ARHGEF1: variants seen among roughly 807,000 people sequenced by gnomAD.
The protein encoded by ARHGEF1 is 115 kDa guanine nucleotide exchange factor.
ARHGEF1 carries 40 observed loss-of-function variants against 119.7 expected under a neutral mutation model. That is an observed-to-expected ratio of 0.33 (90% CI 0.26 to 0.44). The LOEUF is 0.44. ARHGEF1 is among the 20% of genes least tolerant of loss of function. The pLI is 1.00. For synonymous variants in ARHGEF1, 494 were observed against 521.0 expected (o/e 0.95, Z 0.71); for missense variants, 976 against 1,268.3 (o/e 0.77, Z 3.50).
Position 41,903,699 on chromosome 19 carries a change from T to C in ARHGEF1, c.1840-8T>C, listed in dbSNP as rs377090750. ...CTTGTCCCCATAATGCTCCCGTCTC[T>C]GCCCCAGAGGCTCAAGGACTATCAG... On this transcript the variant is annotated splice_region_variant and splice_polypyrimidine_tract_variant and intron_variant, in intron 19 of 28. Coordinates refer to ENST00000354532, the MANE Select transcript of ARHGEF1 (RefSeq NM_004706.4). The surrounding 1 kb of genome is among the most constrained non-coding windows in gnomAD (Gnocchi z 4.2). 2.5e-5 allele frequency: 40 copies of C among 1,612,342 alleles called. No individual in the cohort carries two copies. Among genetic ancestry groups the C allele is most frequent in the Non-Finnish European group, 3.1e-5 (37 of 1,180,002 alleles).
At chr19:41,920,570 A>G (rs2074836423), upstream of ARHGEF1, among the ~76,000 whole-genome samples, 1 of 151,596 alleles carries the variant, frequency 6.6e-6, no homozygotes, top group South Asian at 2.1e-4. Flanking sequence ...TTACGCACTC[A>G]CAGACGTGAT....
downstream of ARHGEF1, among the ~76,000 whole-genome samples, chr19:41,911,598 CCTT>C (rs2074752001): frequency 1.3e-5 from 2 of 152,164 alleles, no homozygotes. Flanking sequence ...CAGGCAGTCT[CCTT>C]GAGGGAGAAT....
At chr19:41,901,853 C>G in intron 14 of ARHGEF1, 34 bp from the exon 15 acceptor site, 1 of 1,600,424 alleles carries the variant, frequency 6.2e-7, no homozygotes, top group Non-Finnish European at 8.5e-7. Context: ...TCTGCACCCT[C>G]CCCAACATGC....
chr19:41,899,919 A>AT (rs1214317200), intron 14 of ARHGEF1, among the ~76,000 whole-genome samples: 1 of 134,370 alleles, frequency 7.4e-6, no homozygotes, highest in East Asian at 2.1e-4. Flanking sequence ...TAAGGACATG[A>AT]TAAAAAAAAA....
Position 41,904,922 on chromosome 19 carries a change from G to C in ARHGEF1, c.2162-27G>C, listed in dbSNP as rs782668123. 6.3e-7 allele frequency: 1 copy of C among 1,596,436 alleles called. No individual in the cohort carries two copies. The highest frequency in any genetic ancestry group is 1.1e-5 in the South Asian group (1 of 90,720). On this transcript the variant is annotated intron_variant, in intron 22 of 28. Coordinates refer to ENST00000354532, the MANE Select transcript of ARHGEF1 (RefSeq NM_004706.4). The surrounding 1 kb of genome is among the most constrained non-coding windows in gnomAD (Gnocchi z 8.4). ...CAGGCACTGGGGGGACCTGGGCTCT[G>C]AGCCCCATCTCCCCCTCTCCCTGCA...
chr19:41,892,670 C>G lies in ARHGEF1; in HGVS notation c.435C>G (p.Ser145Arg). The part of the protein sequence containing the change: ...QRRFVQEVVQ[S>R]QQVAVGRQLE... The stretch of plus-strand genomic sequence containing the variant: ...GGTTCGTGCAGGAGGTGGTGCAAAG[C>G]CAGCAGGTAGCCGTGGGCCGGCAGC... Residue 145 changes from serine (S) to arginine (R), a missense_variant, in exon 7 of 29, where the codon AGC (serine) becomes AGG (arginine). Physicochemically the swap from Ser to Arg is moderately radical, Grantham distance 110. Coordinates refer to ENST00000354532, the MANE Select transcript of ARHGEF1 (RefSeq NM_004706.4). The surrounding 1 kb of genome is among the most constrained non-coding windows in gnomAD (Gnocchi z 6.3). 1 of 1,613,630 alleles carries G rather than the reference C, an allele frequency of 6.2e-7. No homozygotes were observed. The highest frequency in any genetic ancestry group is 2.2e-5 in the East Asian group (1 of 44,880).
At chr19:41,928,432 G>C (rs1486147794) in intron 1 of ARHGEF1, 1 of 153,838 alleles carries the variant, frequency 6.5e-6, no homozygotes, top group African/African-American at 2.4e-5. Context: ...TGGCCGGCTG[G>C]GGGCGCGGGG....
rs2074549947 is a variant in ARHGEF1, at chr19:41,898,562, G to C, written c.1242G>C (p.Gln414His). The C allele has an allele frequency of 6.3e-7, 1 of 1,582,148 alleles. No individual in the cohort carries two copies. The highest frequency in any genetic ancestry group is 1.3e-5 in the African/African-American group (1 of 74,268). Residue 414 changes from glutamine (Q) to histidine (H), a missense_variant, in exon 14 of 29, where the codon CAG becomes CAC. Coordinates refer to ENST00000354532, the MANE Select transcript of ARHGEF1 (RefSeq NM_004706.4). ...PDTLHSLPKS[Q>H]VKRQEVISEL... ...CCCTGCACAGCCTGCCCAAGAGCCA[G>C]GTGAAGCGGCAGGAGGTCATCAGCG...
rs987241931 is a variant in ARHGEF1, at chr19:41,892,782, C to T, written c.547C>T (p.Arg183Ter). ...GCTGGAGGCTTGGGTTGGGCGGGACCGAGCCAGCTACGAGGCCCGGGAGCG... is the reference window on the plus strand; with the variant it reads ...GCTGGAGGCTTGGGTTGGGCGGGACTGAGCCAGCTACGAGGCCCGGGAGCG... ...AQLEAWVGRD[R>*]ASYEARERHV... is the part of the protein sequence containing the mutation. The change falls in exon 7 of 29, where the codon CGA becomes TGA. Residue 183 changes from arginine (R) to a stop codon, truncating the protein, a stop_gained. Coordinates refer to ENST00000354532, the MANE Select transcript of ARHGEF1 (RefSeq NM_004706.4). LOFTEE classifies it high-confidence loss of function. The surrounding 1 kb of genome is among the most constrained non-coding windows in gnomAD (Gnocchi z 6.3). The T allele has an allele frequency of 2.5e-6, 4 of 1,601,690 alleles. No homozygotes were observed. Among genetic ancestry groups the T allele is most frequent in the South Asian group, 1.1e-5 (1 of 90,782 alleles).
At position 41,917,420 on chromosome 19, in the gene ARHGEF1, G is replaced by A. The variant is rs554657633; in HGVS notation, c.1866-5672G>A. The stretch of plus-strand genomic sequence containing the variant: ...TTCTCTAAGCTGCGCCGGCCGCCTC[G>A]GGAGCCGCCTCGGGCCTCGCACCCC... On this transcript the variant is annotated intron_variant, in intron 18 of 20. Coordinates refer to the ARHGEF1 transcript ENST00000599589. This position sits in a 1 kb window ranked among gnomAD's most constrained non-coding sequence, Gnocchi z 4.8. Among the ~76,000 whole-genome samples, 6 of 151,878 alleles carry A rather than the reference G, an allele frequency of 4.0e-5. No individual in the cohort carries two copies. Among genetic ancestry groups the A allele is most frequent in the Admixed American group, 1.3e-4 (2 of 15,256 alleles).
Position 41,916,429 on chromosome 19 carries a change from ACAT to A in ARHGEF1, c.1866-6660_1866-6658del, listed in dbSNP as rs2145896148. Among the ~76,000 whole-genome samples the A allele has an allele frequency of 1.3e-5, 2 of 152,218 alleles. No individual in the cohort carries two copies. Among genetic ancestry groups the A allele is most frequent in the South Asian group, 4.1e-4 (2 of 4,828 alleles). ...AACACTGTCACAGTCACACACACAC[ACAT>A]CAGCATAGTCACAGATGCACAGAAA... On this transcript the variant is annotated intron_variant, in intron 18 of 20. Transcript: ENST00000599589. The surrounding 1 kb of genome is among the most constrained non-coding windows in gnomAD (Gnocchi z 5.4).
chr19:41,923,559 G>A (rs1450999170), intron 1 of ARHGEF1, among the ~76,000 whole-genome samples: 4 of 147,380 alleles, frequency 2.7e-5, no homozygotes, highest in Non-Finnish European at 6.0e-5. Flanking sequence ...CATGGACAGG[G>A]ACAAGGAGAC....
At position 41,893,308 on chromosome 19, in the gene ARHGEF1, G is replaced by C; in HGVS notation, c.644+5G>C. The C allele has an allele frequency of 2.5e-6, 4 of 1,606,880 alleles. No homozygotes were observed. Among genetic ancestry groups the C allele is most frequent in the Non-Finnish European group, 2.5e-6 (3 of 1,176,964 alleles). The stretch of plus-strand genomic sequence containing the variant: ...CTCTACCGACGAAGAAAAGAGGTGA[G>C]GGGGGCAGGGGAGGCGTGCGGCCTC... On this transcript the variant is annotated splice_donor_5th_base_variant and intron_variant, in intron 8 of 28. Transcript: ENST00000354532.
chr19:41,926,718 G>C (rs984113778), intron 1 of ARHGEF1, among the ~76,000 whole-genome samples: 27 of 152,172 alleles, frequency 1.8e-4, no homozygotes, highest in Non-Finnish European at 2.6e-4. Flanking sequence ...GGCCGGGAGG[G>C]GGGAGCGGGC....
chr19:41,910,211 CT>C, downstream of ARHGEF1: 4 of 1,026,698 alleles, frequency 3.9e-6, no homozygotes, highest in Non-Finnish European at 5.6e-6. This position sits in a 1 kb window ranked among gnomAD's most constrained non-coding sequence, Gnocchi z 4.4. Context: ...TCTCAGGCAT[CT>C]TTAGGGACCT....
At chr19:41,924,071 G>T (rs1205107007) in intron 1 of ARHGEF1, among the ~76,000 whole-genome samples, 1 of 150,634 alleles carries the variant, frequency 6.6e-6, no homozygotes, top group Non-Finnish European at 1.5e-5. Flanking sequence ...TGGGGGAGGT[G>T]GGGGTGAGCA....
At chr19:41,927,052 T>G (rs1054954324) in intron 1 of ARHGEF1, among the ~76,000 whole-genome samples, 6 of 151,272 alleles carry the variant, frequency 4.0e-5, no homozygotes, top group Admixed American at 1.3e-4. Flanking sequence ...TAGAGAGAGA[T>G]AGTCTTAAGA....
At position 41,907,092 on chromosome 19, in the gene ARHGEF1, C is replaced by T; in HGVS notation, c.*18-13C>T. 1 of 1,497,940 alleles carries T rather than the reference C, an allele frequency of 6.7e-7. No individual in the cohort carries two copies. The highest frequency in any genetic ancestry group is 8.8e-7 in the Non-Finnish European group (1 of 1,130,512). The allele number at this position is 1,497,940 out of a possible 1,614,324, so 92.8% of individuals were successfully genotyped here. A position where few individuals can be genotyped will look rare whatever the true frequency, so the allele number is the denominator to read the frequency against. On this transcript the variant is annotated splice_polypyrimidine_tract_variant and intron_variant, in intron 28 of 28. Transcript: ENST00000354532. ...ATCTCTCCCCGTCTCCCCTCTTCTCCTACATCCCCCAGGCCTTTTGCAAGA... is the reference window on the plus strand; with the variant it reads ...ATCTCTCCCCGTCTCCCCTCTTCTCTTACATCCCCCAGGCCTTTTGCAAGA...
chr19:41,885,213 A>T (rs882520), intron 1 of ARHGEF1, among the ~76,000 whole-genome samples: 68,783 of 151,798 alleles, frequency 0.45, 17,812 homozygotes, highest in Middle Eastern at 0.72. Context: ...GACTCCCCCA[A>T]ACCCCTCCTC....
Sources: allele counts gnomAD v4.1 joint callset (sites outside exome capture counted in the v4.1 genomes callset), GRCh38; gene constraint gnomAD v4.1.1; non-coding constraint Gnocchi (gnomAD v3.1); transcripts MANE v1.5; gene names NCBI Gene and HGNC (gene_info 2026-07-23, HGNC 2026-07-21).